The following CENPE variants were observed in gnomAD, a reference collection of about 807,000 sequenced individuals.
CENPE encodes centromere-associated protein E.
Under a neutral mutation model 336.1 loss-of-function variants are expected in CENPE, and 145 were observed. The observed-to-expected ratio is 0.43, with a 90% CI of 0.38 to 0.50. The LOEUF (loss-of-function observed/expected upper bound fraction) is 0.50, where lower values mean the gene tolerates loss of function less well. Ranked by LOEUF, CENPE falls within the 20% of genes least tolerant of loss-of-function variation. CENPE has a pLI of 0.00. For missense variants in CENPE, 2,719 were observed against 3,023.3 expected (o/e 0.90, Z 2.36); for synonymous variants, 1,013 against 984.8 (o/e 1.03, Z -0.54).
chr4:103,194,320 A>C (rs910371351), intron 7 of CENPE, 26 bp from the exon 8 acceptor site: 4 of 1,611,086 alleles, frequency 2.5e-6, no homozygotes, highest in African/African-American at 2.7e-5. Flanking sequence ...AAGCTGTAGA[A>C]AAATTAGTGC....
chr4:103,182,542 A>G (rs1312175339), intron 11 of CENPE, among the ~76,000 whole-genome samples: 1 of 152,230 alleles, frequency 6.6e-6, no homozygotes, highest in South Asian at 2.1e-4. Context: ...TATCAAGTCA[A>G]TTTCAGTAAA....
intron 43 of CENPE, 90 bp from the exon 44 acceptor site, chr4:103,120,423 T>C (rs1373756561): frequency 2.8e-6 from 3 of 1,085,342 alleles, no homozygotes; most frequent in African/African-American, 3.4e-5. Flanking sequence ...TATTTAGATA[T>C]TGTTAATTTT....
rs61744934 is a variant in CENPE at position 103,160,763 on chromosome 4, C to T, written c.2148G>A (p.Leu716=). 20,430 of 1,596,954 alleles carry T rather than the reference C, an allele frequency of 0.013. 2,054 individuals are homozygous for T. The African/African-American group carries it at 0.23, about 18-fold the overall frequency. Residue 716 remains leucine (L), a synonymous_variant, in exon 21 of 49, where the codon TTG becomes TTA. Coordinates refer to ENST00000265148, the MANE Select transcript of CENPE (RefSeq NM_001813.3). ...GATCAGTAATCTTTCCTTCCAATTC[C>T]AAATTACAGAGCAAATCTAGAAAGT... is the stretch of plus-strand genomic sequence containing the variant. ...GKVPKDLLCN[L]ELEGKITDLQ... is the part of the protein sequence containing the mutation.
At position 103,144,655 on chromosome 4, in the gene CENPE, A is replaced by C. The variant is rs778431186; in HGVS notation, c.4858-37T>G. 7.6e-6 allele frequency: 11 copies of C among 1,439,340 alleles called. No individual in the cohort carries two copies. In the South Asian group the frequency reaches 1.4e-4, roughly 18 times the overall value. 89.2% of individuals were successfully genotyped at this position (1,439,340 alleles called of 1,614,324 possible). ...ATAAAGTAAGTTACAACATAGGCAG[A>C]ATTTTTTTAGGAAAAGGAAGAACTG... On this transcript the variant is annotated intron_variant, in intron 32 of 48. Coordinates refer to ENST00000265148, the MANE Select transcript of CENPE (RefSeq NM_001813.3).
intron 45 of CENPE, chr4:103,116,251 T>TACACAC (rs58894383): frequency 0.013 from 1,939 of 149,974 alleles, 23 homozygotes; most frequent in East Asian, 0.057. Context: ...AACTGCTAAA[T>TACACAC]ACACACACAC....
rs138953137 is a variant in CENPE, at chr4:103,144,479, T to C, written c.4997A>G (p.Glu1666Gly). Reference sequence around the variant, plus strand: ...TAGTATCTGAGTCAACCTTATATTCTCCGTTTCTATGTTTTCCAGGTTTAA... The same window carrying C: ...TAGTATCTGAGTCAACCTTATATTCCCCGTTTCTATGTTTTCCAGGTTTAA... ...QKLNLENIET[E>G]NIRLTQILHE... Residue 1666 changes from glutamate (E) to glycine (G), a missense_variant, in exon 33 of 49, where the codon GAG (glutamate) becomes GGG (glycine). Glu to Gly is a moderately conservative substitution (Grantham distance 98). This residue lies in a region of CENPE where 2,437 missense variants were observed against 2,513.3 expected (regional missense o/e 0.97). Transcript: ENST00000265148. 1.1e-5 allele frequency: 17 copies of C among 1,614,150 alleles called. No individual in the cohort carries two copies. Among genetic ancestry groups the C allele is most frequent in the African/African-American group, 9.3e-5 (7 of 75,044 alleles).
chr4:103,194,253 T>G lies in CENPE; in HGVS notation c.669A>C (p.Glu223Asp). The G allele has an allele frequency of 1.9e-6, 3 of 1,612,634 alleles. No homozygotes were observed. Among genetic ancestry groups the G allele is most frequent in the Non-Finnish European group, 2.5e-6 (3 of 1,179,132 alleles). The part of the protein sequence containing the change: ...SREKGEPSNC[E>D]GSVKVSHLNL... ...CCAAATGGGATACCTTAACAGATCC[T>G]TCACAATTAGAAGGTTCACCCTTCT... The change falls in exon 8 of 49, where the codon GAA becomes GAC. Residue 223 changes from glutamate to aspartate, a missense_variant. Glu to Asp is a conservative substitution (Grantham distance 45). This residue lies in a region of CENPE where 11 missense variants were observed against 54.0 expected (regional missense o/e 0.20). Coordinates refer to ENST00000265148, the MANE Select transcript of CENPE (RefSeq NM_001813.3).
At chr4:103,141,977 A>G (rs1006746971) in intron 34 of CENPE, 69 bp from the exon 35 acceptor site, 1 of 967,092 alleles carries the variant, frequency 1.0e-6, no homozygotes, top group Non-Finnish European at 1.5e-6. Context: ...ATAAAGTGAT[A>G]TATTTTCTTA....
Position 103,120,325 on chromosome 4 carries a change from T to A in CENPE, c.7152A>T (p.Arg2384=). The change falls in exon 44 of 49, where the codon CGA becomes CGT. Residue 2384 remains arginine, a synonymous_variant. Transcript: ENST00000265148. Reference sequence around the variant, plus strand: ...CTTCATGCAGTGAATTTTCCAGCTCTCGAATTTTCTATTAGAAAAAGCACA... The same window carrying A: ...CTTCATGCAGTGAATTTTCCAGCTCACGAATTTTCTATTAGAAAAAGCACA... ...RATQLTTEKI[R]ELENSLHEAK... 6.2e-7 allele frequency: 1 copy of A among 1,605,802 alleles called. No homozygotes were observed. Among genetic ancestry groups the A allele is most frequent in the Non-Finnish European group, 8.5e-7 (1 of 1,178,008 alleles).
chr4:103,172,660 T>C (rs1386685103), intron 16 of CENPE, among the ~76,000 whole-genome samples: 2 of 152,036 alleles, frequency 1.3e-5, no homozygotes, highest in Non-Finnish European at 2.9e-5. Context: ...AAATTGTCTC[T>C]ATTTGTAGAT....
In CENPE at chr4:103,194,612, T is replaced by C; in HGVS notation, c.550A>G (p.Lys184Glu). Residue 184 changes from lysine (K) to glutamate (E), a missense_variant, in exon 6 of 49, where the codon AAG becomes GAG. Physicochemically the swap from Lys to Glu is moderately conservative, Grantham distance 56. Coordinates refer to ENST00000265148, the MANE Select transcript of CENPE (RefSeq NM_001813.3). The part of the protein sequence containing the change: ...TSEMALKWIT[K>E]GEKSRHYGET... ...CAGCATAAAGTCTTACTTTCTCCCT[T>C]TGTAATCCATTTCAAAGCCATTTCT... The C allele has an allele frequency of 6.2e-7, 1 of 1,607,040 alleles. No homozygotes were observed. The highest frequency in any genetic ancestry group is 1.3e-5 in the African/African-American group (1 of 74,828).
intron 31 of CENPE, 74 bp from the exon 32 acceptor site, chr4:103,145,408 G>A: frequency 2.9e-6 from 4 of 1,365,188 alleles, no homozygotes; most frequent in Non-Finnish European, 4.0e-6. Context: ...CACAACTTAA[G>A]AGGAAAAGGT....
At chr4:103,196,299 A>G (rs1319076281) in intron 2 of CENPE, 47 bp from the exon 3 acceptor site, 2 of 1,368,536 alleles carry the variant, frequency 1.5e-6, no homozygotes, top group Admixed American at 3.4e-5. Context: ...AAATCAAATG[A>G]GTCCACTGTG....
intron 34 of CENPE, among the ~76,000 whole-genome samples, chr4:103,142,902 G>A (rs1282241512): frequency 6.6e-6 from 1 of 150,610 alleles, no homozygotes; most frequent in East Asian, 2.0e-4. Context: ...TAGTTACTTG[G>A]GAGACTTGAG....
At chr4:103,115,968 T>A (rs1750073030) in intron 45 of CENPE, among the ~76,000 whole-genome samples, 1 of 152,220 alleles carries the variant, frequency 6.6e-6, no homozygotes, top group African/African-American at 2.4e-5. Flanking sequence ...CCTGACCTCG[T>A]GATTTGCCCG....
chr4:103,181,240 C>T, intron 12 of CENPE, 97 bp downstream of exon 12: 1 of 821,566 alleles, frequency 1.2e-6, no homozygotes, highest in Non-Finnish European at 1.7e-6. Flanking sequence ...GTTGTAGCAA[C>T]TCAGATATTC....
chr4:103,149,695 T>C (rs1327112900), intron 26 of CENPE, among the ~76,000 whole-genome samples: 1 of 152,186 alleles, frequency 6.6e-6, no homozygotes, highest in Non-Finnish European at 1.5e-5. Flanking sequence ...TTCATTCCAA[T>C]GAGTGTATTT....
At chr4:103,149,044 T>C (rs757196495) in intron 27 of CENPE, 45 bp from the exon 28 acceptor site, 19 of 1,596,542 alleles carry the variant, frequency 1.2e-5, no homozygotes, top group African/African-American at 1.1e-4. Flanking sequence ...TCTTCCAACA[T>C]TGCTCCCCTC....
At chr4:103,173,122 A>G (rs1032916978) in intron 16 of CENPE, among the ~76,000 whole-genome samples, 1 of 152,082 alleles carries the variant, frequency 6.6e-6, no homozygotes, top group African/African-American at 2.4e-5. Context: ...TTACAAAACT[A>G]TAGTAACCAA....
Sources: gnomAD v4.1 joint callset for allele counts (sites outside exome capture counted in the v4.1 genomes callset) on GRCh38, gnomAD v4.1.1 for gene constraint, gnomAD v4.1.1 regional missense constraint, MANE v1.5 for transcripts, NCBI Gene and HGNC (gene_info 2026-07-23, HGNC 2026-07-21) for gene names.